Variants in TACR1 observed in about 807,000 individuals in gnomAD.
TACR1 encodes substance-P receptor.
Under a neutral mutation model 35.8 loss-of-function variants are expected in TACR1, and 25 were observed. That is an observed-to-expected ratio of 0.70 (90% confidence interval 0.51 to 0.98). The LOEUF (loss-of-function observed/expected upper bound fraction) is 0.98, where lower values mean the gene tolerates loss of function less well. Ranked by LOEUF, TACR1 falls within the 50% of genes least tolerant of loss-of-function variation. The probability of loss-of-function intolerance (pLI) is 0.00; values close to 1 mark genes in which losing one functional copy is unlikely to be tolerated. For missense variants in TACR1, 478 were observed against 522.9 expected (o/e 0.91, Z 0.84); for synonymous variants, 195 against 206.7 (o/e 0.94, Z 0.48).
chr2:75,094,861 T>TATATATATATATATATATA (rs1558551241), intron 2 of TACR1, among the ~76,000 whole-genome samples: 8 of 60,724 alleles, frequency 1.3e-4, no homozygotes, highest in African/African-American at 7.7e-4. Flanking sequence ...ATATATATAT[T>TATATATATATATATATATA]TTTTTTTTTT....
intron 1 of TACR1, among the ~76,000 whole-genome samples, chr2:75,134,991 A>G (rs570400553): frequency 1.9e-4 from 29 of 152,348 alleles, no homozygotes; most frequent in Non-Finnish European, 2.6e-4. Flanking sequence ...TGCTGGGACC[A>G]GGGCTGCCAA....
intron 1 of TACR1, among the ~76,000 whole-genome samples, chr2:75,157,126 G>C (rs1487531357): frequency 6.6e-6 from 1 of 152,114 alleles, no homozygotes; most frequent in African/African-American, 2.4e-5. Flanking sequence ...TTGTATTCAG[G>C]TCTGTGGTAG....
chr2:75,055,577 C>A (rs555352958), intron 2 of TACR1, among the ~76,000 whole-genome samples: 77 of 152,374 alleles, frequency 5.1e-4, no homozygotes, highest in Non-Finnish European at 1.1e-3. Flanking sequence ...GCACTGACTT[C>A]TCCTACCTGA....
chr2:75,141,203 C>T (rs887102156), intron 1 of TACR1, among the ~76,000 whole-genome samples: 1 of 152,144 alleles, frequency 6.6e-6, no homozygotes, highest in African/African-American at 2.4e-5. Context: ...TTGGGATCTT[C>T]TAGCTCCTCC....
At chr2:75,056,648 A>G (rs894505531) in intron 2 of TACR1, among the ~76,000 whole-genome samples, 3 of 152,172 alleles carry the variant, frequency 2.0e-5, no homozygotes, top group Non-Finnish European at 2.9e-5. Context: ...TGAATACAAA[A>G]TACAATCTGC....
At chr2:75,122,473 T>G (rs548019556) in intron 1 of TACR1, among the ~76,000 whole-genome samples, 7 of 152,272 alleles carry the variant, frequency 4.6e-5, no homozygotes, top group African/African-American at 1.7e-4. Flanking sequence ...AGGTGTTTAG[T>G]GTATAGAGTA....
At chr2:75,069,641 T>C (rs1352212460) in intron 2 of TACR1, among the ~76,000 whole-genome samples, 1 of 152,256 alleles carries the variant, frequency 6.6e-6, no homozygotes, top group Middle Eastern at 3.2e-3. Flanking sequence ...CCCTTTGGGC[T>C]GTGACAGTTT....
At chr2:75,162,043 C>CAAAAAAA (rs35438025) in intron 1 of TACR1, among the ~76,000 whole-genome samples, 14 of 94,160 alleles carry the variant, frequency 1.5e-4, no homozygotes, top group South Asian at 1.3e-3. Context: ...TTGACTCTTC[C>CAAAAAAA]AAAAAAAAAA....
At chr2:75,113,608 T>C (rs1673797084) in intron 2 of TACR1, among the ~76,000 whole-genome samples, 1 of 151,372 alleles carries the variant, frequency 6.6e-6, no homozygotes, top group Non-Finnish European at 1.5e-5. Context: ...GGCATGTGTT[T>C]ATGCTAGCAT....
chr2:75,066,606 T>G (rs1442825203), intron 2 of TACR1, among the ~76,000 whole-genome samples: 1 of 152,238 alleles, frequency 6.6e-6, no homozygotes, highest in Non-Finnish European at 1.5e-5. Flanking sequence ...TTCTTGTATT[T>G]CCACAGCCTG....
intron 1 of TACR1, among the ~76,000 whole-genome samples, chr2:75,122,117 A>G (rs1673982306): frequency 6.6e-6 from 1 of 152,192 alleles, no homozygotes; most frequent in East Asian, 1.9e-4. Context: ...AGGTGCATCA[A>G]TAAGCAGCTC....
intron 1 of TACR1, among the ~76,000 whole-genome samples, chr2:75,131,121 C>T (rs570841770): frequency 6.6e-6 from 1 of 150,508 alleles, no homozygotes; most frequent in South Asian, 2.1e-4. Context: ...GACAGAGTCT[C>T]TCTGTCACCC....
chr2:75,153,139 G>T (rs1370130828), intron 1 of TACR1, among the ~76,000 whole-genome samples: 4 of 152,156 alleles, frequency 2.6e-5, no homozygotes, highest in Non-Finnish European at 2.9e-5. Context: ...CTGACTTTGT[G>T]ATCTGCCCAC....
At chr2:75,158,337 T>C (rs1021507050) in intron 1 of TACR1, among the ~76,000 whole-genome samples, 11 of 152,192 alleles carry the variant, frequency 7.2e-5, no homozygotes, top group African/African-American at 2.7e-4. Flanking sequence ...CTCTCTGCCT[T>C]TTTCCCAGGC....
chr2:75,089,897 A>G (rs988355183), intron 2 of TACR1, among the ~76,000 whole-genome samples: 1 of 152,268 alleles, frequency 6.6e-6, no homozygotes, highest in Non-Finnish European at 1.5e-5. Context: ...AAACAAACAA[A>G]TTTCTGGAAA....
intron 1 of TACR1, among the ~76,000 whole-genome samples, chr2:75,168,769 G>A (rs1028452334): frequency 6.6e-6 from 1 of 152,130 alleles, no homozygotes; most frequent in Non-Finnish European, 1.5e-5. Context: ...TTTTGGTTAA[G>A]AACCTATTTA....
chr2:75,074,338 C>A (rs1672936137), intron 2 of TACR1, among the ~76,000 whole-genome samples: 1 of 152,078 alleles, frequency 6.6e-6, no homozygotes, highest in Admixed American at 6.5e-5. Flanking sequence ...GAAACTTCAG[C>A]CTCTAGCAAG....
At chr2:75,161,597 G>A (rs1675011019) in intron 1 of TACR1, among the ~76,000 whole-genome samples, 1 of 152,006 alleles carries the variant, frequency 6.6e-6, no homozygotes. Context: ...CAAGTCATGA[G>A]ACAAAACAAA....
chr2:75,164,959 C>G (rs748254863), intron 1 of TACR1, among the ~76,000 whole-genome samples: 1 of 152,132 alleles, frequency 6.6e-6, no homozygotes, highest in Non-Finnish European at 1.5e-5. Context: ...TGAACTTGTC[C>G]CAATCCTTCT....
Sources: allele counts gnomAD v4.1 joint callset (sites outside exome capture counted in the v4.1 genomes callset), GRCh38; gene constraint gnomAD v4.1.1; transcripts MANE v1.5; gene names NCBI Gene and HGNC (gene_info 2026-07-23, HGNC 2026-07-21).